COL24A1: variants seen among roughly 807,000 people sequenced by gnomAD.
COL24A1 encodes collagen type XXIV alpha 1 chain.
COL24A1 carries 224 observed loss-of-function variants against 253.9 expected under a neutral mutation model. The observed-to-expected ratio is 0.88, with a 90% CI of 0.79 to 0.99. The LOEUF is 0.99. COL24A1 is among the 50% of genes least tolerant of loss of function. The pLI is 0.00. For missense variants in COL24A1, 2,131 were observed against 2,068.5 expected (o/e 1.03, Z -0.59); for synonymous variants, 685 against 673.7 (o/e 1.02, Z -0.26).
chr1:85,974,388 A>G (rs1438920709), intron 20 of COL24A1, among the ~76,000 whole-genome samples: 1 of 152,192 alleles, frequency 6.6e-6, no homozygotes, highest in Admixed American at 6.6e-5. Context: ...ATAGTGGGTT[A>G]TACTATAAAA....
chr1:86,071,700 T>C (rs983272904), intron 7 of COL24A1, among the ~76,000 whole-genome samples: 1 of 152,084 alleles, frequency 6.6e-6, no homozygotes, highest in African/African-American at 2.4e-5. Context: ...GATACAATGA[T>C]TGTAAATATA....
intron 37 of COL24A1, among the ~76,000 whole-genome samples, chr1:85,861,498 T>G (rs916429543): frequency 6.6e-6 from 1 of 152,206 alleles, no homozygotes; most frequent in African/African-American, 2.4e-5. Context: ...CTCCCATGTT[T>G]TCTTCTAAGA....
chr1:86,005,441 C>T (rs1695857841), intron 19 of COL24A1, among the ~76,000 whole-genome samples: 1 of 151,118 alleles, frequency 6.6e-6, no homozygotes. Flanking sequence ...ACTGAAAAAG[C>T]TCTCCCACTT....
At chr1:86,129,592 G>A (rs1648841154) in intron 2 of COL24A1, among the ~76,000 whole-genome samples, 1 of 151,590 alleles carries the variant, frequency 6.6e-6, no homozygotes, top group South Asian at 2.1e-4. Flanking sequence ...ATTTTGATAT[G>A]TAGCATTTTC....
intron 14 of COL24A1, among the ~76,000 whole-genome samples, chr1:86,029,476 A>G (rs1346494469): frequency 1.3e-5 from 2 of 152,206 alleles, no homozygotes; most frequent in African/African-American, 4.8e-5. Flanking sequence ...TAAATGTTTC[A>G]GACTCACACA....
chr1:85,792,407 C>A (rs993156074), intron 47 of COL24A1, among the ~76,000 whole-genome samples: 4 of 151,050 alleles, frequency 2.6e-5, no homozygotes, highest in Admixed American at 2.0e-4. Flanking sequence ...AAAGATGAGA[C>A]CAGGTGTGGT....
chr1:85,822,191 G>C (rs1673701238), intron 45 of COL24A1, among the ~76,000 whole-genome samples: 1 of 152,084 alleles, frequency 6.6e-6, no homozygotes, highest in Non-Finnish European at 1.5e-5. Flanking sequence ...TAGATGCCAA[G>C]ACTATACAAA....
intron 24 of COL24A1, among the ~76,000 whole-genome samples, chr1:85,949,577 A>G (rs1192954649): frequency 2.0e-5 from 3 of 152,142 alleles, no homozygotes; most frequent in African/African-American, 7.2e-5. Context: ...CCTTGAGTTT[A>G]TGGAGCTTTT....
chr1:86,113,777 G>C (rs1379514964), intron 4 of COL24A1, among the ~76,000 whole-genome samples: 2 of 128,994 alleles, frequency 1.6e-5, no homozygotes, highest in East Asian at 5.1e-4. Context: ...CAAGGCTACA[G>C]TGAGCTATGA....
At chr1:85,879,040 T>C (rs912625796) in intron 32 of COL24A1, among the ~76,000 whole-genome samples, 1 of 152,200 alleles carries the variant, frequency 6.6e-6, no homozygotes, top group Non-Finnish European at 1.5e-5. Context: ...TGTCTCTTCA[T>C]TCTCTTAACA....
chr1:86,120,327 A>G (rs1557703059), intron 3 of COL24A1, among the ~76,000 whole-genome samples: 1 of 152,230 alleles, frequency 6.6e-6, no homozygotes. Context: ...TGCACAGCAA[A>G]AGAAACTACC....
At position 85,868,529 on chromosome 1, in the gene COL24A1, G is replaced by A. The variant is rs200638964; in HGVS notation, c.3290C>T (p.Thr1097Ile). 8.4e-5 allele frequency: 135 copies of A among 1,612,814 alleles called. No individual in the cohort carries two copies. The highest frequency in any genetic ancestry group is 1.1e-4 in the Non-Finnish European group (133 of 1,179,042). The change falls in exon 37 of 60, where the codon ACA (threonine) becomes ATA (isoleucine). Residue 1097 changes from threonine to isoleucine, a missense_variant. Thr to Ile is a moderately conservative substitution (Grantham distance 89). Coordinates refer to ENST00000370571, the MANE Select transcript of COL24A1 (RefSeq NM_152890.7). ...CCCAGCAGTACTTACCGGAAGGCCT[G>A]TTTGGCCTGATCTACCCAAGGGTCC... ...IIGPLGRSGQ[T>I]GLPGPEGIVG...
Position 85,849,361 on chromosome 1 carries a change from C to A in COL24A1, c.3346G>T (p.Gly1116Ter). The change falls in exon 38 of 60, where the codon GGA becomes TGA. Residue 1116 changes from glycine (G) to a stop codon, truncating the protein, a stop_gained. Transcript: ENST00000370571. LOFTEE classifies it high-confidence loss of function. ...VGIPGQRGRP[G>*]KKGDKGQIGP... ...AAGATGTAAAAAATTACCTTTTTTC[C>A]TGGACGACCTCTTTGCCCTGGAATT... 1 of 1,611,978 alleles carries A rather than the reference C, an allele frequency of 6.2e-7. No homozygotes were observed. The highest frequency in any genetic ancestry group is 8.5e-7 in the Non-Finnish European group (1 of 1,178,968).
At chr1:85,864,993 C>T (rs192563334) in intron 37 of COL24A1, among the ~76,000 whole-genome samples, 3 of 152,198 alleles carry the variant, frequency 2.0e-5, no homozygotes, top group South Asian at 4.1e-4. Flanking sequence ...GGCAACTGAA[C>T]ATTTTAGCAC....
chr1:85,803,472 CA>C (rs1186532670), intron 47 of COL24A1, among the ~76,000 whole-genome samples: 1 of 147,798 alleles, frequency 6.8e-6, no homozygotes, highest in East Asian at 2.0e-4. Flanking sequence ...CAAAACAAAA[CA>C]AAAACAACAA....
At chr1:85,880,376 A>G (rs1181215953) in intron 32 of COL24A1, among the ~76,000 whole-genome samples, 4 of 152,212 alleles carry the variant, frequency 2.6e-5, no homozygotes, top group Admixed American at 6.5e-5. Context: ...CTGTTATGCT[A>G]CAATCTCATT....
At chr1:86,028,652 A>T (rs1698269487) in intron 14 of COL24A1, among the ~76,000 whole-genome samples, 1 of 152,232 alleles carries the variant, frequency 6.6e-6, no homozygotes, top group Non-Finnish European at 1.5e-5. Flanking sequence ...TAGCTGTGTG[A>T]GAATGGACTA....
intron 55 of COL24A1, among the ~76,000 whole-genome samples, chr1:85,747,535 T>A (rs539395557): frequency 6.6e-6 from 1 of 152,124 alleles, no homozygotes; most frequent in Admixed American, 6.5e-5. Flanking sequence ...AAAAATTAAC[T>A]ATATTTTCCA....
intron 28 of COL24A1, among the ~76,000 whole-genome samples, chr1:85,901,515 A>C (rs1225209149): frequency 6.6e-6 from 1 of 152,114 alleles, no homozygotes; most frequent in East Asian, 1.9e-4. Flanking sequence ...TTTCTCATAA[A>C]ACTAAAAATG....
Sources: allele counts gnomAD v4.1 joint callset (sites outside exome capture counted in the v4.1 genomes callset), GRCh38; gene constraint gnomAD v4.1.1; transcripts MANE v1.5; gene names NCBI Gene and HGNC (gene_info 2026-07-23, HGNC 2026-07-21).